FAT1: variants seen among roughly 807,000 people sequenced by gnomAD.
FAT1 encodes protocadherin Fat 1.
A neutral mutation model predicts 329.8 loss-of-function variants in FAT1; 171 were observed. The observed-to-expected ratio is 0.52, with a 90% CI of 0.46 to 0.59. The LOEUF is 0.59. Among genes scored for constraint, FAT1 ranks in the 20% least tolerant of loss-of-function variants. FAT1 has a pLI of 0.00. For missense variants in FAT1, 5,672 were observed against 5,774.4 expected (o/e 0.98, Z 0.57); for synonymous variants, 2,233 against 2,228.6 (o/e 1.00, Z -0.06).
At chr4:186,660,999 C>G (rs1742142226) in intron 3 of FAT1, among the ~76,000 whole-genome samples, 1 of 152,170 alleles carries the variant, frequency 6.6e-6, no homozygotes, top group East Asian at 1.9e-4. Flanking sequence ...TTACTCTAAT[C>G]TAAAAGAGAG....
chr4:186,684,436 C>G (rs954669418), intron 2 of FAT1, among the ~76,000 whole-genome samples: 4 of 152,136 alleles, frequency 2.6e-5, no homozygotes, highest in African/African-American at 4.8e-5. Context: ...TGTCGGCTCT[C>G]GTAGGAGACG....
intron 3 of FAT1, among the ~76,000 whole-genome samples, chr4:186,643,291 C>A (rs1741187115): frequency 6.6e-6 from 1 of 152,114 alleles, no homozygotes; most frequent in African/African-American, 2.4e-5. Context: ...AAATCAAGAT[C>A]CTGCAAGAAA....
chr4:186,677,653 G>A (rs1055154485), intron 2 of FAT1, among the ~76,000 whole-genome samples: 2 of 152,130 alleles, frequency 1.3e-5, no homozygotes, highest in African/African-American at 4.8e-5. Context: ...CCCAGTATAT[G>A]CTCAGAAACT....
chr4:186,641,188 C>T (rs1413938533), intron 3 of FAT1, among the ~76,000 whole-genome samples: 1 of 152,068 alleles, frequency 6.6e-6, no homozygotes, highest in Non-Finnish European at 1.5e-5. Flanking sequence ...CATTATTTTC[C>T]TCACAATTCA....
rs760560632 is a variant in FAT1, at chr4:186,599,942, T to C, written c.12059A>G (p.Asn4020Ser). The C allele has an allele frequency of 5.0e-6, 8 of 1,613,716 alleles. No individual in the cohort carries two copies. The highest frequency in any genetic ancestry group is 6.8e-6 in the Non-Finnish European group (8 of 1,179,824). ...FLTATEDCAS[N>S]PCQNGGVCNP... The stretch of plus-strand genomic sequence containing the variant: ...GCAAACGCCTCCATTCTGGCAAGGG[T>C]TGCTGGCGCAGTCTTCCGTGGCCGT... The change falls in exon 22 of 27, where the codon AAC becomes AGC. Residue 4020 changes from asparagine (N) to serine (S), a missense_variant. Asn to Ser is a conservative substitution (Grantham distance 46). Around this residue, in one of 2 missense-constraint regions of FAT1, gnomAD observed 1,706 missense variants for 1,859.1 expected, o/e 0.92. Transcript: ENST00000441802.
At chr4:186,623,043 T>G (rs1740123592) in intron 9 of FAT1, among the ~76,000 whole-genome samples, 1 of 152,216 alleles carries the variant, frequency 6.6e-6, no homozygotes, top group Non-Finnish European at 1.5e-5. Context: ...AGTCTTCACT[T>G]CCTTCCTTTC....
chr4:186,638,811 G>A (rs1261789205), intron 4 of FAT1, among the ~76,000 whole-genome samples: 1 of 149,648 alleles, frequency 6.7e-6, no homozygotes, highest in East Asian at 1.9e-4. Context: ...AGTGGAAGAA[G>A]AGCACTGATA....
chr4:186,670,484 T>C (rs1742678683), intron 2 of FAT1, among the ~76,000 whole-genome samples: 1 of 152,092 alleles, frequency 6.6e-6, no homozygotes, highest in Admixed American at 6.6e-5. Context: ...AAAACAATAC[T>C]CACGGAAAAA....
chr4:186,651,012 T>A, intron 3 of FAT1, among the ~76,000 whole-genome samples: 1 of 83,212 alleles, frequency 1.2e-5, no homozygotes, highest in East Asian at 6.5e-4. Context: ...ATTTTTACAA[T>A]GAAGTATTAA....
Position 186,707,715 on chromosome 4 carries a change from C to G in FAT1, c.2113G>C (p.Asp705His), listed in dbSNP as rs200902471. 2 of 1,613,778 alleles carry G rather than the reference C, an allele frequency of 1.2e-6. No homozygotes were observed. Among genetic ancestry groups the G allele is most frequent in the East Asian group, 4.5e-5 (2 of 44,882 alleles). The change falls in exon 2 of 27, where the codon GAT becomes CAT. Residue 705 changes from aspartate to histidine, a missense_variant. Asp to His is a moderately conservative substitution (Grantham distance 81, BLOSUM62 -1). This residue lies in a region of FAT1 where 3,966 missense variants were observed against 3,915.2 expected (regional missense o/e 1.01). Coordinates refer to ENST00000441802, the MANE Select transcript of FAT1 (RefSeq NM_005245.4). The part of the protein sequence containing the change: ...NQGEVEDIFF[D>H]SHSVNAHIPQ... ...ATGTGAGCATTGACAGAGTGAGAAT[C>G]GAAGAAAATATCCTCCACCTCTCCC... is the stretch of plus-strand genomic sequence containing the variant.
intron 3 of FAT1, among the ~76,000 whole-genome samples, chr4:186,651,666 C>T (rs1741665795): frequency 1.3e-5 from 2 of 152,192 alleles, no homozygotes; most frequent in African/African-American, 4.8e-5. Flanking sequence ...GACTAGTCCA[C>T]CGGCAGGGAG....
intron 26 of FAT1, among the ~76,000 whole-genome samples, chr4:186,589,891 C>A (rs1738154245): frequency 6.6e-6 from 1 of 151,994 alleles, no homozygotes; most frequent in Non-Finnish European, 1.5e-5. Flanking sequence ...AGAAAATAAG[C>A]TTCCTTCATA....
chr4:186,643,256 G>C (rs184092943), intron 3 of FAT1, among the ~76,000 whole-genome samples: 1 of 152,122 alleles, frequency 6.6e-6, no homozygotes, highest in Non-Finnish European at 1.5e-5. Context: ...GGACGGCACC[G>C]GTCTACTCAG....
chr4:186,721,189 C>A (rs1579512561), intron 1 of FAT1, among the ~76,000 whole-genome samples: 1 of 152,060 alleles, frequency 6.6e-6, no homozygotes, highest in Non-Finnish European at 1.5e-5. Flanking sequence ...ACATAATGAA[C>A]CCTTGGAATT....
At chr4:186,667,120 A>C (rs950733737) in intron 2 of FAT1, among the ~76,000 whole-genome samples, 1 of 152,254 alleles carries the variant, frequency 6.6e-6, no homozygotes, top group Non-Finnish European at 1.5e-5. Flanking sequence ...TATGAAATGG[A>C]AGTATATCAC....
At chr4:186,644,818 A>C (rs2126582202) in intron 3 of FAT1, among the ~76,000 whole-genome samples, 1 of 152,368 alleles carries the variant, frequency 6.6e-6, no homozygotes. Context: ...TAGTAGGTGA[A>C]GACAGTCATG....
At chr4:186,713,366 G>A (rs137875354) in intron 1 of FAT1, among the ~76,000 whole-genome samples, 1 of 152,198 alleles carries the variant, frequency 6.6e-6, no homozygotes, top group Non-Finnish European at 1.5e-5. Context: ...TTAGATTGGG[G>A]TTCTGTTTTG....
chr4:186,709,526 T>G lies in FAT1; in HGVS notation c.302A>C (p.Lys101Thr), dbSNP rs1048040027. The G allele has an allele frequency of 6.2e-7, 1 of 1,614,014 alleles. No homozygotes were observed. The highest frequency in any genetic ancestry group is 1.6e-4 in the Middle Eastern group (1 of 6,062). Residue 101 changes from lysine to threonine, a missense_variant, in exon 2 of 27, where the codon AAA (lysine) becomes ACA (threonine). Lys to Thr is a moderately conservative substitution (Grantham distance 78). Around this residue, in one of 2 missense-constraint regions of FAT1, gnomAD observed 3,966 missense variants for 3,915.2 expected, o/e 1.01. Coordinates refer to ENST00000441802, the MANE Select transcript of FAT1 (RefSeq NM_005245.4). ...GDFCFLRIRT[K>T]GGNTAILNRE... ...ATTAAGAATAGCTGTATTTCCTCCT[T>G]TGGTCCTTATTCTTAGAAAGCAAAA...
chr4:186,599,820 TA>T, intron 22 of FAT1, 77 bp downstream of exon 22: 7 of 1,137,134 alleles, frequency 6.2e-6, no homozygotes, highest in South Asian at 1.6e-5. Context: ...GAGAAAAAAA[TA>T]AAAAAATACC....
Sources: allele counts gnomAD v4.1 joint callset (sites outside exome capture counted in the v4.1 genomes callset), GRCh38; gene constraint gnomAD v4.1.1; regional missense constraint gnomAD v4.1.1; transcripts MANE v1.5; gene names NCBI Gene and HGNC (gene_info 2026-07-23, HGNC 2026-07-21).